Variants in CEP63 observed in about 807,000 individuals in gnomAD.
The protein encoded by CEP63 is centrosomal protein of 63 kDa.
In CEP63, 84 loss-of-function variants were observed where a neutral mutation model predicts 89.1. That is an observed-to-expected ratio of 0.94 (90% confidence interval 0.79 to 1.13). CEP63 has a LOEUF of 1.13. CEP63 is among the 50% of genes most tolerant of loss of function. The pLI, the probability that CEP63 is intolerant of heterozygous loss-of-function variation, is 0.00. For synonymous variants in CEP63, 267 were observed against 272.5 expected, an observed-to-expected ratio of 0.98 and a Z score of 0.20; for missense variants, 838 against 813.3, an observed-to-expected ratio of 1.03 and a Z score of -0.37.
chr3:134,573,790 C>G (rs1327061356), intron 11 of CEP63, among the ~76,000 whole-genome samples: 1 of 152,116 alleles, frequency 6.6e-6, no homozygotes, highest in Non-Finnish European at 1.5e-5. Context: ...CTTACCCAAG[C>G]AAGGTAATAT....
At chr3:134,662,525 A>G in the CEP63 span, among the ~76,000 whole-genome samples, 5 of 152,362 alleles carry the variant, frequency 3.3e-5, no homozygotes, top group South Asian at 8.3e-4. Context: ...GCCCTATGCT[A>G]GATGCCTTCA....
the CEP63 span, among the ~76,000 whole-genome samples, chr3:134,719,137 C>G: frequency 6.6e-6 from 1 of 152,056 alleles, no homozygotes. Context: ...TTGTTTTCAT[C>G]AAGCAGCTTG....
chr3:134,735,934 G>A, the CEP63 span, among the ~76,000 whole-genome samples: 1 of 151,954 alleles, frequency 6.6e-6, no homozygotes, highest in Admixed American at 6.6e-5. Flanking sequence ...GTATCACCTC[G>A]ATACTAAACA....
the CEP63 span, among the ~76,000 whole-genome samples, chr3:134,648,772 C>T: frequency 5.9e-5 from 9 of 152,190 alleles, no homozygotes; most frequent in African/African-American, 7.2e-5. Flanking sequence ...CCACTCGTTA[C>T]GGATTACTCC....
the CEP63 span, among the ~76,000 whole-genome samples, chr3:134,695,440 C>G: frequency 1.3e-5 from 2 of 152,188 alleles, no homozygotes; most frequent in Non-Finnish European, 2.9e-5. Flanking sequence ...ATGGGGCCTG[C>G]CCATACATGG....
chr3:134,567,067 A>G (rs2110254049), downstream of CEP63, among the ~76,000 whole-genome samples: 1 of 152,176 alleles, frequency 6.6e-6, no homozygotes, highest in South Asian at 2.1e-4. Context: ...ATGTAATGGA[A>G]TGTTATTTGG....
the CEP63 span, among the ~76,000 whole-genome samples, chr3:134,670,119 C>T: frequency 6.6e-6 from 1 of 152,148 alleles, no homozygotes; most frequent in Non-Finnish European, 1.5e-5. Context: ...GCCTCTAGAA[C>T]TATGAGAAAT....
chr3:134,650,731 G>A, the CEP63 span: 5 of 1,208,108 alleles, frequency 4.1e-6, no homozygotes, highest in African/African-American at 4.7e-5. Flanking sequence ...GACCTCGTTC[G>A]GGGGAGCAAT....
chr3:134,580,297 C>G (rs1190473454), intron 10 of CEP63, among the ~76,000 whole-genome samples: 4 of 151,862 alleles, frequency 2.6e-5, no homozygotes, highest in Non-Finnish European at 5.9e-5. Flanking sequence ...GTAGTGGTTG[C>G]CTGGGGCTGT....
chr3:134,607,366 G>A, the CEP63 span: 72 of 985,518 alleles, frequency 7.3e-5, no homozygotes, highest in East Asian at 6.8e-4. Flanking sequence ...TGTGCTCCCC[G>A]CTGCCCCATT....
chr3:134,546,174 T>G lies in CEP63; in HGVS notation c.815T>G (p.Leu272Trp). Residue 272 changes from leucine to tryptophan, a missense_variant, in exon 8 of 15, where the codon TTG becomes TGG. Leu to Trp is a moderately conservative substitution (Grantham distance 61). Transcript: ENST00000675561. ...LEALQEEKRE[L>W]KAALQSQENL... ...GCTCTGCAGGAAGAAAAGAGAGAAT[T>G]GAAGGCAGCTCTTCAGTCTCAAGAA... 1 of 1,613,822 alleles carries G rather than the reference T, an allele frequency of 6.2e-7. No individual in the cohort carries two copies. Among genetic ancestry groups the G allele is most frequent in the Middle Eastern group, 1.7e-4 (1 of 6,058 alleles).
the CEP63 span, among the ~76,000 whole-genome samples, chr3:134,760,825 C>T: frequency 1.3e-5 from 2 of 152,136 alleles, no homozygotes; most frequent in African/African-American, 4.8e-5. Context: ...CTTAGGGAGA[C>T]TGCTGTCCTG....
the CEP63 span, among the ~76,000 whole-genome samples, chr3:134,760,386 T>A: frequency 6.6e-6 from 1 of 152,178 alleles, no homozygotes; most frequent in East Asian, 1.9e-4. Flanking sequence ...GGTTTCATTT[T>A]GCTACACAGT....
the CEP63 span, among the ~76,000 whole-genome samples, chr3:134,657,997 A>G: frequency 6.6e-6 from 1 of 152,156 alleles, no homozygotes; most frequent in African/African-American, 2.4e-5. Flanking sequence ...CCCAGGTTCA[A>G]GCGATTTTCC....
rs969140479 is a variant in CEP63, at chr3:134,551,837, A to G, written c.1381-89A>G. 13 of 622,760 alleles carry G rather than the reference A, an allele frequency of 2.1e-5. No homozygotes were observed. In the African/African-American group the frequency reaches 2.4e-4, roughly 12 times the overall value. 38.6% of individuals were successfully genotyped at this position (622,760 alleles called of 1,614,324 possible). A position where few individuals can be genotyped will look rare whatever the true frequency, so the allele number is the denominator to read the frequency against. On this transcript the variant is annotated intron_variant, in intron 11 of 14. Transcript: ENST00000675561. ...TATATATAAATGAAGAATATGACTT[A>G]GCCTAATGAAAATTCCATGTGGAAA...
At chr3:134,524,248 T>C (rs931177036) in intron 3 of CEP63, among the ~76,000 whole-genome samples, 4 of 152,226 alleles carry the variant, frequency 2.6e-5, no homozygotes, top group Non-Finnish European at 4.4e-5. Context: ...ATCCTGAGAC[T>C]TTGCTGAAGT....
chr3:134,689,685 A>T, the CEP63 span, among the ~76,000 whole-genome samples: 1 of 152,040 alleles, frequency 6.6e-6, no homozygotes, highest in African/African-American at 2.4e-5. Context: ...AACTCCTGAC[A>T]TCAAGTGATC....
At chr3:134,620,753 G>A in the CEP63 span, 1 of 1,612,402 alleles carries the variant, frequency 6.2e-7, no homozygotes, top group South Asian at 1.1e-5. Flanking sequence ...GCCTACCTAT[G>A]TGATGGCAGA....
At chr3:134,717,242 T>A in the CEP63 span, among the ~76,000 whole-genome samples, 2 of 152,218 alleles carry the variant, frequency 1.3e-5, no homozygotes, top group African/African-American at 2.4e-5. Context: ...AAACTCCTAT[T>A]GCTAAAGTTC....
Sources: allele counts gnomAD v4.1 joint callset (sites outside exome capture counted in the v4.1 genomes callset), GRCh38; gene constraint gnomAD v4.1.1; transcripts MANE v1.5; gene names NCBI Gene and HGNC (gene_info 2026-07-23, HGNC 2026-07-21).